Variants in MAPT observed in about 807,000 individuals in gnomAD.
The protein encoded by MAPT is microtubule-associated protein tau.
A neutral mutation model predicts 67.9 loss-of-function variants in MAPT; 34 were observed. The observed-to-expected ratio is 0.50, with a 90% CI of 0.38 to 0.67. The LOEUF (loss-of-function observed/expected upper bound fraction) is 0.67, where lower values mean the gene tolerates loss of function less well. Among genes scored for constraint, MAPT ranks in the 30% least tolerant of loss-of-function variants. The probability of loss-of-function intolerance (pLI) is 0.00; values close to 1 mark genes in which losing one functional copy is unlikely to be tolerated. For synonymous variants in MAPT, 456 were observed against 464.5 expected, an observed-to-expected ratio of 0.98 and a Z score of 0.23; for missense variants, 881 against 1,115.2, an observed-to-expected ratio of 0.79 and a Z score of 2.99.
intron 1 of MAPT, among the ~76,000 whole-genome samples, chr17:45,907,383 C>T (rs1292594017): frequency 6.6e-6 from 1 of 152,222 alleles, no homozygotes; most frequent in Non-Finnish European, 1.5e-5. Context: ...CAGCGCCGTG[C>T]TCCCCAGTGC....
rs1008594479 is a variant in MAPT, at chr17:45,906,588, G to A, written c.-18+11902G>A. On this transcript the variant is annotated intron_variant, in intron 1 of 12. Transcript: ENST00000262410. This position sits in a 1 kb window ranked among gnomAD's most constrained non-coding sequence, Gnocchi z 4.3. ...ACCCTGTAAATGGAGGGTTTCTCCG[G>A]AGCGTGGATGGTGGGAGGTATTTCA... Among the ~76,000 whole-genome samples the A allele has an allele frequency of 5.3e-5, 8 of 152,088 alleles. No individual in the cohort carries two copies. Among genetic ancestry groups the A allele is most frequent in the Admixed American group, 2.6e-4 (4 of 15,260 alleles).
At chr17:45,931,859 G>A (rs1016764151) in intron 1 of MAPT, 1 of 152,158 alleles carries the variant, frequency 6.6e-6, no homozygotes, top group African/African-American at 2.4e-5. Context: ...GGCTGAGGCA[G>A]GCATATCGCT....
chr17:45,960,885 C>T (rs1206866603), intron 1 of MAPT, among the ~76,000 whole-genome samples: 5 of 151,070 alleles, frequency 3.3e-5, no homozygotes, highest in African/African-American at 7.3e-5. Flanking sequence ...CCATGAGCTA[C>T]GAATATGAAA....
intron 1 of MAPT, among the ~76,000 whole-genome samples, chr17:45,946,255 C>G (rs2068467878): frequency 6.6e-6 from 1 of 152,058 alleles, no homozygotes; most frequent in African/African-American, 2.4e-5. Flanking sequence ...GGAGCACCAT[C>G]AGTTTGTCTC....
rs191787828 is a variant in MAPT, at chr17:46,009,401, C to T, written c.1999-909C>T. ...TGGTAAAAATCATTTCTCATCAAAA[C>T]GCTGATATTTTCACACCTCCCTGGT... On this transcript the variant is annotated intron_variant, in intron 9 of 12. Transcript: ENST00000262410. Among the ~76,000 whole-genome samples the T allele has an allele frequency of 2.7e-5, 4 of 147,400 alleles. 1 individual carries two copies. Among genetic ancestry groups the T allele is most frequent in the Non-Finnish European group, 4.6e-5 (3 of 64,626 alleles).
At chr17:45,914,715 C>T (rs540120018) in intron 1 of MAPT, among the ~76,000 whole-genome samples, 1 of 148,646 alleles carries the variant, frequency 6.7e-6, no homozygotes, top group African/African-American at 2.5e-5. Flanking sequence ...TTAAATGTTA[C>T]TTTTTACCTT....
chr17:45,930,625 C>A (rs1228813592), intron 1 of MAPT, among the ~76,000 whole-genome samples: 2 of 152,288 alleles, frequency 1.3e-5, no homozygotes, highest in Middle Eastern at 3.4e-3. Context: ...AGAATTTGAA[C>A]CCAAATCTTC....
Position 46,018,721 on chromosome 17 carries a change from A to G in MAPT, c.2277A>G (p.Gly759=). 6.2e-7 allele frequency: 1 copy of G among 1,613,076 alleles called. No homozygotes were observed. Among genetic ancestry groups the G allele is most frequent in the Non-Finnish European group, 8.5e-7 (1 of 1,179,062 alleles). The change falls in exon 12 of 13, where the codon GGA becomes GGG. Residue 759 remains glycine (G), a synonymous_variant. Coordinates refer to ENST00000262410, the MANE Select transcript of MAPT (RefSeq NM_001377265.1). ...LDNITHVPGG[G]NKKIETHKLT... ...ATATCACCCACGTCCCTGGCGGAGG[A>G]AATAAAAAGGTAAAGGGGGTAGGGT... is the stretch of plus-strand genomic sequence containing the variant.
intron 8 of MAPT, among the ~76,000 whole-genome samples, chr17:45,994,348 C>T (rs1330082358): frequency 6.6e-6 from 1 of 152,154 alleles, no homozygotes; most frequent in Non-Finnish European, 1.5e-5. Flanking sequence ...CACCACCAAG[C>T]CCACTGGTCA....
Position 45,996,264 on chromosome 17 carries a change from G to A in MAPT, c.1733-135G>A. On this transcript the variant is annotated intron_variant, in intron 8 of 12. Transcript: ENST00000262410. The surrounding 1 kb of genome is among the most constrained non-coding windows in gnomAD (Gnocchi z 4.5). Reference sequence around the variant, plus strand: ...CCCAGGGCAGCCGTCTGCTGTAGCTGCGCTTCCAACCTGGCTTCCACCTGC... The same window carrying A: ...CCCAGGGCAGCCGTCTGCTGTAGCTACGCTTCCAACCTGGCTTCCACCTGC... The A allele has an allele frequency of 1.1e-6, 1 of 926,294 alleles. No individual in the cohort carries two copies. Among genetic ancestry groups the A allele is most frequent in the South Asian group, 1.4e-5 (1 of 73,458 alleles). 57.4% of individuals were successfully genotyped at this position (926,294 alleles called of 1,614,324 possible).
At chr17:45,969,714 A>G (rs2071448398) in intron 2 of MAPT, among the ~76,000 whole-genome samples, 1 of 152,008 alleles carries the variant, frequency 6.6e-6, no homozygotes, top group East Asian at 1.9e-4. Context: ...TCATCCATCC[A>G]ATCATACATA....
In MAPT at chr17:45,987,049, T is replaced by A. The variant is rs769109302; in HGVS notation, c.1361T>A (p.Val454Asp). Residue 454 changes from valine (V) to aspartate (D), a missense_variant, in exon 6 of 13, where the codon GTC becomes GAC. Coordinates refer to ENST00000262410, the MANE Select transcript of MAPT (RefSeq NM_001377265.1). ...TTTTATATTTTATCAGCTCGCATGG[T>A]CAGTAAAAGCAAAGACGGGACTGGA... ...SRVPQLKARMVSKSKDGTGSD... is the reference protein window; with the variant it reads ...SRVPQLKARMDSKSKDGTGSD... The A allele has an allele frequency of 6.2e-6, 10 of 1,613,836 alleles. No individual in the cohort carries two copies. The highest frequency in any genetic ancestry group is 8.5e-6 in the Non-Finnish European group (10 of 1,179,840).
In MAPT at chr17:45,933,100, A is replaced by C. The variant is rs574728156; in HGVS notation, c.-17-29221A>C. 2.2e-3 allele frequency among the ~76,000 whole-genome samples: 328 copies of C among 152,298 alleles called. 1 individual carries two copies. Among genetic ancestry groups the C allele is most frequent in the African/African-American group, 7.5e-3 (310 of 41,564 alleles). On this transcript the variant is annotated intron_variant, in intron 1 of 12. Coordinates refer to ENST00000262410, the MANE Select transcript of MAPT (RefSeq NM_001377265.1). ...TCTGTTTCAAACAAACAAACAAAAA[A>C]AAAAACCTCTTGGACCAGGAAAATA...
chr17:45,915,635 A>G lies in MAPT; in HGVS notation c.-18+20949A>G, dbSNP rs1266266357. Among the ~76,000 whole-genome samples the G allele has an allele frequency of 6.6e-6, 1 of 151,978 alleles. No homozygotes were observed. Among genetic ancestry groups the G allele is most frequent in the African/African-American group, 2.4e-5 (1 of 41,368 alleles). ...ATGTGTGAGTGTGTGTGTGTTCAGCATATATAAGGCATGTAACTGAACACA... is the reference window on the plus strand; with the variant it reads ...ATGTGTGAGTGTGTGTGTGTTCAGCGTATATAAGGCATGTAACTGAACACA... On this transcript the variant is annotated intron_variant, in intron 1 of 12. Coordinates refer to ENST00000262410, the MANE Select transcript of MAPT (RefSeq NM_001377265.1). This position sits in a 1 kb window ranked among gnomAD's most constrained non-coding sequence, Gnocchi z 4.4.
rs1221887189 is a variant in MAPT, at chr17:46,010,189, T to C, written c.1999-121T>C. 1 of 735,970 alleles carries C rather than the reference T, an allele frequency of 1.4e-6. No homozygotes were observed. Among genetic ancestry groups the C allele is most frequent in the South Asian group, 1.5e-5 (1 of 67,588 alleles). The allele number at this position is 735,970 out of a possible 1,614,324, so 45.6% of individuals were successfully genotyped here. On this transcript the variant is annotated intron_variant, in intron 9 of 12. Coordinates refer to ENST00000262410, the MANE Select transcript of MAPT (RefSeq NM_001377265.1). This position sits in a 1 kb window ranked among gnomAD's most constrained non-coding sequence, Gnocchi z 4.7. ...CCAAGTCCGAAAGTGGAGGCATCCT[T>C]GCGAGCAAGTAGGCGGGTCCAGGGT... is the stretch of plus-strand genomic sequence containing the variant.
Position 45,983,137 on chromosome 17 carries a change from G to A in MAPT, c.558G>A (p.Pro186=), listed in dbSNP as rs371295124. 18 of 1,588,022 alleles carry A rather than the reference G, an allele frequency of 1.1e-5. No individual in the cohort carries two copies. The highest frequency in any genetic ancestry group is 1.5e-5 in the Non-Finnish European group (17 of 1,166,674). The change falls in exon 5 of 13, where the codon CCG becomes CCA. Residue 186 remains proline, a synonymous_variant. Coordinates refer to ENST00000262410, the MANE Select transcript of MAPT (RefSeq NM_001377265.1). Reference sequence around the variant, plus strand: ...GCGGGGACTGGGCCGAGAAGGGTCCGGCCTTTCCGAAGCCCGCCACCACTG... The same window carrying A: ...GCGGGGACTGGGCCGAGAAGGGTCCAGCCTTTCCGAAGCCCGCCACCACTG... ...QKGGDWAEKG[P]AFPKPATTAY...
chr17:45,900,398 T>C (rs1179000764), intron 1 of MAPT, among the ~76,000 whole-genome samples: 1 of 148,428 alleles, frequency 6.7e-6, no homozygotes, highest in East Asian at 1.9e-4. Context: ...TTTTGAGCTT[T>C]CTGGGTTCTC....
intron 5 of MAPT, 106 bp from the exon 6 acceptor site, chr17:45,986,933 TA>T: frequency 2.1e-6 from 2 of 967,006 alleles, no homozygotes; most frequent in Non-Finnish European, 3.2e-6. Flanking sequence ...CAGACCCAAC[TA>T]AACAAACATG....
intron 12 of MAPT, among the ~76,000 whole-genome samples, chr17:46,022,286 G>A (rs751296811): frequency 1.3e-5 from 2 of 151,354 alleles, no homozygotes; most frequent in African/African-American, 2.4e-5. Context: ...TCCCGGAGGC[G>A]GAGGTTGCAG....
Sources: gnomAD v4.1 joint callset for allele counts (sites outside exome capture counted in the v4.1 genomes callset) on GRCh38, gnomAD v4.1.1 for gene constraint, Gnocchi (gnomAD v3.1) non-coding constraint, MANE v1.5 for transcripts, NCBI Gene and HGNC (gene_info 2026-07-23, HGNC 2026-07-21) for gene names.